GPATCH8: variants seen among roughly 807,000 people sequenced by gnomAD.
The protein encoded by GPATCH8 is G-patch domain containing 8, also known as G patch domain-containing protein 8.
Under a neutral mutation model 118.3 loss-of-function variants are expected in GPATCH8, and 18 were observed. That is an observed-to-expected ratio of 0.15 (90% CI 0.11 to 0.23). GPATCH8 has a LOEUF of 0.23. Among genes scored for constraint, GPATCH8 ranks in the 10% least tolerant of loss-of-function variants. The pLI is 1.00. For synonymous variants in GPATCH8, 659 were observed against 684.7 expected (o/e 0.96, Z 0.59); for missense variants, 1,631 against 1,873.8 (o/e 0.87, Z 2.39).
At chr17:44,435,497 T>C (rs1429431411) in intron 4 of GPATCH8, among the ~76,000 whole-genome samples, 1 of 133,902 alleles carries the variant, frequency 7.5e-6, no homozygotes, top group Non-Finnish European at 1.6e-5. Context: ...CACTGCAACC[T>C]CTGCCTCCCG....
At chr17:44,416,716 T>C (rs1204456038) in intron 6 of GPATCH8, among the ~76,000 whole-genome samples, 1 of 152,214 alleles carries the variant, frequency 6.6e-6, no homozygotes, top group East Asian at 1.9e-4. Context: ...TAAGTAATCC[T>C]GTCAAAAAGC....
At chr17:44,501,180 G>A (rs1157759663) in intron 1 of GPATCH8, among the ~76,000 whole-genome samples, 2 of 152,074 alleles carry the variant, frequency 1.3e-5, no homozygotes, top group African/African-American at 4.8e-5. Flanking sequence ...AGCACTTTGG[G>A]AGGCCGAGGC....
In GPATCH8 at chr17:44,399,398, G is replaced by A. The variant is rs1349852251; in HGVS notation, c.2679C>T (p.Ser893=). 1 of 1,614,058 alleles carries A rather than the reference G, an allele frequency of 6.2e-7. No homozygotes were observed. The highest frequency in any genetic ancestry group is 8.5e-7 in the Non-Finnish European group (1 of 1,179,888). The change falls in exon 8 of 8, where the codon AGC becomes AGT. Residue 893 remains serine, a synonymous_variant. Coordinates refer to ENST00000591680, the MANE Select transcript of GPATCH8 (RefSeq NM_001002909.4). The part of the protein sequence containing the change: ...YSRQRSYSDD[S]YSDYSDRSRR... Reference sequence around the variant, plus strand: ...GTGATCTGTCACTGTAGTCACTGTAGCTGTCATCAGAGTAACTGCGCTGTC... The same window carrying A: ...GTGATCTGTCACTGTAGTCACTGTAACTGTCATCAGAGTAACTGCGCTGTC...
intron 3 of GPATCH8, chr17:44,436,869 T>C (rs1246478934): frequency 9.6e-6 from 3 of 312,942 alleles, no homozygotes; most frequent in African/African-American, 4.3e-5. Context: ...CCTTTTAAGA[T>C]CCCCAAATAA....
chr17:44,470,397 C>T (rs986665080), intron 2 of GPATCH8, among the ~76,000 whole-genome samples: 10 of 151,596 alleles, frequency 6.6e-5, no homozygotes, highest in African/African-American at 1.2e-4. Context: ...GGGGTTTCAC[C>T]GTGTTAGCCA....
chr17:44,469,448 T>A (rs1255011173), intron 2 of GPATCH8, among the ~76,000 whole-genome samples: 1 of 152,214 alleles, frequency 6.6e-6, no homozygotes, highest in Non-Finnish European at 1.5e-5. Flanking sequence ...CTTTATTGTA[T>A]GAAGCTGGCT....
At chr17:44,433,888 CCA>C (rs2050405873) in intron 5 of GPATCH8, among the ~76,000 whole-genome samples, 1 of 152,076 alleles carries the variant, frequency 6.6e-6, no homozygotes, top group East Asian at 1.9e-4. Context: ...CCTGTAATCC[CCA>C]CACTTTGGGA....
rs1386953332 is a variant in GPATCH8 at position 44,489,660 on chromosome 17, G to A, written c.45+13666C>T. On this transcript the variant is annotated intron_variant, in intron 1 of 7. Coordinates refer to ENST00000591680, the MANE Select transcript of GPATCH8 (RefSeq NM_001002909.4). ...CAGCTGCCTTTTGTCCCTTTTGAATGTTATACTAGAAAAACAAAAAGAGGA... is the reference window on the plus strand; with the variant it reads ...CAGCTGCCTTTTGTCCCTTTTGAATATTATACTAGAAAAACAAAAAGAGGA... 2.6e-5 allele frequency among the ~76,000 whole-genome samples: 4 copies of A among 151,936 alleles called. No individual in the cohort carries two copies. The East Asian group carries it at 7.7e-4, about 29-fold the overall frequency.
At chr17:44,403,692 T>TC (rs1491522323) in intron 7 of GPATCH8, among the ~76,000 whole-genome samples, 1 of 29,332 alleles carries the variant, frequency 3.4e-5, no homozygotes, top group African/African-American at 8.8e-5. Flanking sequence ...GTAATCTCTC[T>TC]TTTTTTTTTT....
chr17:44,459,804 A>G (rs1235763654), intron 3 of GPATCH8, among the ~76,000 whole-genome samples: 3 of 152,080 alleles, frequency 2.0e-5, no homozygotes, highest in Non-Finnish European at 4.4e-5. Flanking sequence ...TCTACTCTCC[A>G]TGTCTTAGGG....
intron 6 of GPATCH8, chr17:44,409,271 A>G (rs1280759145): frequency 2.0e-5 from 3 of 152,222 alleles, no homozygotes; most frequent in South Asian, 4.1e-4. Context: ...ATAGCGCACT[A>G]TAGTTCAGAA....
intron 2 of GPATCH8, among the ~76,000 whole-genome samples, chr17:44,466,749 A>G (rs1261420643): frequency 6.6e-6 from 1 of 152,244 alleles, no homozygotes; most frequent in Non-Finnish European, 1.5e-5. Context: ...ATTTCATATC[A>G]TAATTCCTAC....
chr17:44,432,882 A>G (rs2050369214), intron 5 of GPATCH8, among the ~76,000 whole-genome samples: 1 of 152,194 alleles, frequency 6.6e-6, no homozygotes, highest in Non-Finnish European at 1.5e-5. Context: ...GCTCTTGCCC[A>G]GGCTGGAGTG....
At chr17:44,405,856 T>C in intron 7 of GPATCH8, 65 bp downstream of exon 7, 1 of 1,154,332 alleles carries the variant, frequency 8.7e-7, no homozygotes, top group Non-Finnish European at 1.3e-6. Context: ...TAATCTGAAA[T>C]CTATAATTTA....
At chr17:44,416,098 G>A (rs1450984571) in intron 6 of GPATCH8, among the ~76,000 whole-genome samples, 1 of 152,160 alleles carries the variant, frequency 6.6e-6, no homozygotes, top group African/African-American at 2.4e-5. Context: ...TGTCTTCTGG[G>A]TTCAAGCGAT....
At chr17:44,405,088 T>C (rs1464627574) in intron 7 of GPATCH8, among the ~76,000 whole-genome samples, 1 of 152,208 alleles carries the variant, frequency 6.6e-6, no homozygotes, top group African/African-American at 2.4e-5. Flanking sequence ...TTTGAGATGA[T>C]GGATATGGTA....
chr17:44,406,564 T>G (rs886981645), intron 6 of GPATCH8, among the ~76,000 whole-genome samples: 4 of 136,190 alleles, frequency 2.9e-5, no homozygotes, highest in Admixed American at 1.6e-4. Context: ...AAAAAGGTGG[T>G]TTTTTTTTCT....
chr17:44,411,887 G>A, intron 6 of GPATCH8, among the ~76,000 whole-genome samples: 1 of 152,040 alleles, frequency 6.6e-6, no homozygotes, highest in East Asian at 1.9e-4. Flanking sequence ...GAGGACAGGA[G>A]TCCAAGACCA....
Position 44,397,267 on chromosome 17 carries a change from A to C in GPATCH8, c.*301T>G, listed in dbSNP as rs1567917742. On this transcript the variant is annotated 3_prime_UTR_variant, in exon 8 of 8. Coordinates refer to ENST00000591680, the MANE Select transcript of GPATCH8 (RefSeq NM_001002909.4). Reference sequence around the variant, plus strand: ...AAGCAGAGGGAGGAGGGGATTATCTAAACTTGACAGTTTGGAGATGTTGCT... The same window carrying C: ...AAGCAGAGGGAGGAGGGGATTATCTCAACTTGACAGTTTGGAGATGTTGCT... The C allele has an allele frequency of 1.8e-6, 1 of 568,112 alleles. No individual in the cohort carries two copies. The highest frequency in any genetic ancestry group is 4.1e-5 in the East Asian group (1 of 24,500). The allele number at this position is 568,112 out of a possible 1,614,324, so 35.2% of individuals were successfully genotyped here.
Sources: allele counts gnomAD v4.1 joint callset (sites outside exome capture counted in the v4.1 genomes callset), GRCh38; gene constraint gnomAD v4.1.1; transcripts MANE v1.5; gene names NCBI Gene and HGNC (gene_info 2026-07-23, HGNC 2026-07-21).